The following SLC9D1 variants were observed in gnomAD, a reference collection of about 807,000 sequenced individuals.
SLC9D1 encodes the protein putative LAG1-interacting protein.
At chr13:113,520,156 G>C in the SLC9D1 span, among the ~76,000 whole-genome samples, 1 of 152,188 alleles carries the variant, frequency 6.6e-6, no homozygotes, top group Admixed American at 6.5e-5. Flanking sequence ...AAATGCTTCA[G>C]TGTTCTCAAA....
the SLC9D1 span, among the ~76,000 whole-genome samples, chr13:113,498,859 C>T: frequency 6.6e-6 from 1 of 151,258 alleles, no homozygotes. Flanking sequence ...TTACCAGAAA[C>T]AGGTCCTAAT....
the SLC9D1 span, among the ~76,000 whole-genome samples, chr13:113,525,926 G>A: frequency 1.1e-3 from 164 of 152,104 alleles, 1 homozygote; most frequent in African/African-American, 3.6e-3. Flanking sequence ...CGTAGGAGAC[G>A]ACAGCTCTGT....
chr13:113,529,636 C>G, the SLC9D1 span: 1 of 149,840 alleles, frequency 6.7e-6, no homozygotes, highest in Non-Finnish European at 1.5e-5. Context: ...GGCGACAGAG[C>G]AAGACTCTAT....
the SLC9D1 span, chr13:113,527,725 G>C: frequency 6.6e-6 from 1 of 152,198 alleles, no homozygotes; most frequent in African/African-American, 2.4e-5. Context: ...TGGCTAACAG[G>C]AAGTTTTCAG....
chr13:113,535,653 G>A, the SLC9D1 span, among the ~76,000 whole-genome samples: 7 of 152,136 alleles, frequency 4.6e-5, no homozygotes, highest in African/African-American at 1.4e-4. The surrounding 1 kb of genome is among the most constrained non-coding windows in gnomAD (Gnocchi z 4.1). Flanking sequence ...CGAGAACTGC[G>A]CAGAGTGGGC....
the SLC9D1 span, among the ~76,000 whole-genome samples, chr13:113,542,917 A>T: frequency 6.6e-6 from 1 of 152,092 alleles, no homozygotes; most frequent in South Asian, 2.1e-4. Flanking sequence ...CAGGTGAAAT[A>T]GGACCATTCA....
the SLC9D1 span, among the ~76,000 whole-genome samples, chr13:113,492,306 T>C: frequency 2.7e-3 from 409 of 152,292 alleles, 1 homozygote; most frequent in African/African-American, 9.4e-3. Flanking sequence ...TGGTCTTAGG[T>C]AGAATTTGAA....
chr13:113,533,808 C>T, the SLC9D1 span, among the ~76,000 whole-genome samples: 7 of 152,216 alleles, frequency 4.6e-5, no homozygotes, highest in East Asian at 1.9e-4. Flanking sequence ...TTCTAGAATA[C>T]GCATTCACCC....
the SLC9D1 span, chr13:113,534,370 T>A: frequency 1.3e-6 from 1 of 766,906 alleles, no homozygotes; most frequent in East Asian, 2.7e-5. Flanking sequence ...TAGTATTTTT[T>A]ATTTTATACA....
the SLC9D1 span, among the ~76,000 whole-genome samples, chr13:113,531,346 A>G: frequency 6.6e-6 from 1 of 152,260 alleles, no homozygotes; most frequent in African/African-American, 2.4e-5. Context: ...CGCAGGTCAG[A>G]TGTGCTGATG....
chr13:113,501,918 CAG>C, the SLC9D1 span: 15 of 1,523,192 alleles, frequency 9.8e-6, no homozygotes, highest in African/African-American at 2.1e-4. Flanking sequence ...ATCTGTTTAA[CAG>C]AATATAAAAA....
chr13:113,524,752 T>C, the SLC9D1 span, among the ~76,000 whole-genome samples: 1 of 152,208 alleles, frequency 6.6e-6, no homozygotes, highest in East Asian at 1.9e-4. Context: ...TTTCATACTT[T>C]TCCTTTCAAC....
At chr13:113,547,173 T>A in the SLC9D1 span, 4 of 745,354 alleles carry the variant, frequency 5.4e-6, no homozygotes, top group Non-Finnish European at 9.2e-6. Context: ...CTTTCACACG[T>A]GCACTTGGGA....
At chr13:113,536,294 C>T in the SLC9D1 span, among the ~76,000 whole-genome samples, 1 of 151,380 alleles carries the variant, frequency 6.6e-6, no homozygotes, top group Non-Finnish European at 1.5e-5. Flanking sequence ...AAGAGAATCA[C>T]TTGAACCCAG....
chr13:113,534,353 C>T, the SLC9D1 span: 4 of 876,362 alleles, frequency 4.6e-6, no homozygotes, highest in Admixed American at 7.9e-5. Context: ...ATATTTGAAA[C>T]ATTTACTAGT....
At chr13:113,541,277 G>GCC in the SLC9D1 span, among the ~76,000 whole-genome samples, 246 of 151,178 alleles carry the variant, frequency 1.6e-3, 11 homozygotes, top group African/African-American at 5.0e-3. Flanking sequence ...ATGTGTGGAT[G>GCC]ATACGCACAC....
chr13:113,508,137 T>C, the SLC9D1 span, among the ~76,000 whole-genome samples: 1 of 152,246 alleles, frequency 6.6e-6, no homozygotes, highest in Non-Finnish European at 1.5e-5. Context: ...CCCTCCTGGC[T>C]GGAATGTGGG....
chr13:113,521,688 A>G, the SLC9D1 span, among the ~76,000 whole-genome samples: 3 of 152,070 alleles, frequency 2.0e-5, no homozygotes, highest in African/African-American at 7.3e-5. Context: ...TTGGGTTCGT[A>G]TGGAGAGAGA....
chr13:113,515,520 G>T, the SLC9D1 span, among the ~76,000 whole-genome samples: 2 of 152,196 alleles, frequency 1.3e-5, no homozygotes, highest in African/African-American at 4.8e-5. Context: ...CAGAAGCTCA[G>T]TGATGGCTCT....
Sources: allele counts gnomAD v4.1 joint callset (sites outside exome capture counted in the v4.1 genomes callset), GRCh38; gene constraint gnomAD v4.1.1; non-coding constraint Gnocchi (gnomAD v3.1); transcripts MANE v1.5; gene names NCBI Gene and HGNC (gene_info 2026-07-23, HGNC 2026-07-21).